FRS2: variants seen among roughly 807,000 people sequenced by gnomAD.
FRS2 encodes FGFR signalling adaptor.
Under a neutral mutation model 43.9 loss-of-function variants are expected in FRS2, and 8 were observed. The ratio of observed to expected loss-of-function variants is 0.18; its 90% confidence interval spans 0.11 to 0.33. The LOEUF (loss-of-function observed/expected upper bound fraction) is 0.33. FRS2 is among the 10% of genes least tolerant of loss of function. FRS2 has a pLI of 1.00. For synonymous variants in FRS2, 219 were observed against 220.3 expected, an observed-to-expected ratio of 0.99 and a Z score of 0.05; for missense variants, 534 against 627.6, an observed-to-expected ratio of 0.85 and a Z score of 1.59.
At chr12:69,564,537 CT>C (rs1337188702) in intron 4 of FRS2, among the ~76,000 whole-genome samples, 1 of 152,178 alleles carries the variant, frequency 6.6e-6, no homozygotes, top group African/African-American at 2.4e-5. Flanking sequence ...TAATAGACCC[CT>C]GGCACCCTTT....
At chr12:69,475,311 A>G (rs538349641) in intron 1 of FRS2, among the ~76,000 whole-genome samples, 14 of 152,164 alleles carry the variant, frequency 9.2e-5, no homozygotes, top group Non-Finnish European at 1.3e-4. Flanking sequence ...CCACTATATC[A>G]CAGGCACTTG....
chr12:69,504,257 C>A lies in FRS2; in HGVS notation c.-260-26608C>A, dbSNP rs1427012174. ...GCAGGCACCTGTAATCCCAGCTATTCGGGAAGCTGAGGCAGGTGAATTGCT... is the reference window on the plus strand; with the variant it reads ...GCAGGCACCTGTAATCCCAGCTATTAGGGAAGCTGAGGCAGGTGAATTGCT... On this transcript the variant is annotated intron_variant, in intron 1 of 8. Transcript: ENST00000549921. Among the ~76,000 whole-genome samples, 3 of 152,016 alleles carry A rather than the reference C, an allele frequency of 2.0e-5. No individual in the cohort carries two copies. In the South Asian group the frequency reaches 6.2e-4, roughly 31 times the overall value.
chr12:69,501,951 GT>G (rs965243679), intron 1 of FRS2, among the ~76,000 whole-genome samples: 3 of 127,944 alleles, frequency 2.3e-5, no homozygotes, highest in African/African-American at 3.6e-5. Flanking sequence ...ACACCTATCT[GT>G]TTTTTTTGTT....
At chr12:69,554,278 C>A (rs1247305683) in intron 3 of FRS2, among the ~76,000 whole-genome samples, 1 of 152,072 alleles carries the variant, frequency 6.6e-6, no homozygotes, top group Non-Finnish European at 1.5e-5. Context: ...AAGAAAAAAT[C>A]CTTTTCATTC....
chr12:69,483,798 A>G (rs1009464974), intron 1 of FRS2, among the ~76,000 whole-genome samples: 1 of 152,222 alleles, frequency 6.6e-6, no homozygotes, highest in Non-Finnish European at 1.5e-5. Context: ...GTTCCCAGGT[A>G]TGATTTTTGA....
intron 4 of FRS2, among the ~76,000 whole-genome samples, chr12:69,567,864 T>G (rs1419794478): frequency 6.6e-6 from 1 of 151,892 alleles, no homozygotes; most frequent in African/African-American, 2.4e-5. Flanking sequence ...AGACTGGATC[T>G]GTTAGACAGG....
intron 3 of FRS2, among the ~76,000 whole-genome samples, chr12:69,543,916 G>A (rs578262746): frequency 3.9e-5 from 6 of 152,216 alleles, no homozygotes; most frequent in African/African-American, 1.2e-4. Context: ...ATCTCATAGA[G>A]ACCATTGAAA....
At chr12:69,536,038 T>C in intron 3 of FRS2, among the ~76,000 whole-genome samples, 1 of 151,180 alleles carries the variant, frequency 6.6e-6, no homozygotes, top group Admixed American at 6.6e-5. Context: ...TTGTTGTTAT[T>C]GCTGTTTTCT....
intron 1 of FRS2, among the ~76,000 whole-genome samples, chr12:69,516,463 C>G (rs1156550022): frequency 2.0e-5 from 3 of 152,086 alleles, no homozygotes; most frequent in African/African-American, 7.2e-5. Context: ...GGTGATCCAC[C>G]CACCTCAGCC....
chr12:69,497,538 T>C (rs2121037269), intron 1 of FRS2, among the ~76,000 whole-genome samples: 1 of 152,332 alleles, frequency 6.6e-6, no homozygotes, highest in East Asian at 1.9e-4. Flanking sequence ...CCATCTTGAC[T>C]TCCTCACTTC....
chr12:69,512,188 T>C (rs1413816046), intron 1 of FRS2, among the ~76,000 whole-genome samples: 2 of 152,228 alleles, frequency 1.3e-5, no homozygotes, highest in African/African-American at 4.8e-5. Context: ...ATGTACTTTT[T>C]GATCTTGCAC....
chr12:69,522,310 T>G (rs891252915), intron 1 of FRS2, among the ~76,000 whole-genome samples: 1 of 151,634 alleles, frequency 6.6e-6, no homozygotes, highest in Admixed American at 6.6e-5. Context: ...TCCTCCTCAG[T>G]TTTTTTGGAA....
intron 1 of FRS2, among the ~76,000 whole-genome samples, chr12:69,492,661 A>G (rs745827882): frequency 6.6e-5 from 10 of 152,290 alleles, no homozygotes; most frequent in East Asian, 3.9e-4. Context: ...GCTTGGCTCC[A>G]TATGGATTTT....
chr12:69,552,060 C>T (rs1035807965), intron 3 of FRS2, among the ~76,000 whole-genome samples: 10 of 151,834 alleles, frequency 6.6e-5, no homozygotes, highest in Non-Finnish European at 1.2e-4. Flanking sequence ...AATCCCAGCA[C>T]TTTAGGAGGC....
chr12:69,570,954 C>A (rs935500727), intron 6 of FRS2, among the ~76,000 whole-genome samples: 1 of 152,182 alleles, frequency 6.6e-6, no homozygotes, highest in Non-Finnish European at 1.5e-5. Flanking sequence ...GGGCCTGTTA[C>A]ATGGCAAATG....
In FRS2 at chr12:69,528,604, C is replaced by T. The variant is rs553138194; in HGVS notation, c.-260-2261C>T. The stretch of plus-strand genomic sequence containing the variant: ...TTCATTATTTCTTTGAAGTCGGGAA[C>T]TTAAGAATCTTTTAAAAGGAACAGT... On this transcript the variant is annotated intron_variant, in intron 1 of 8. Transcript: ENST00000549921. Among the ~76,000 whole-genome samples the T allele has an allele frequency of 3.9e-5, 6 of 152,254 alleles. No individual in the cohort carries two copies. In the East Asian group the frequency reaches 9.6e-4, roughly 24 times the overall value.
chr12:69,507,690 A>G (rs1203265581), intron 1 of FRS2, among the ~76,000 whole-genome samples: 1 of 152,122 alleles, frequency 6.6e-6, no homozygotes, highest in Non-Finnish European at 1.5e-5. Flanking sequence ...TGTTAATTCG[A>G]TTATATTTAG....
At chr12:69,572,718 T>G (rs1880866977) in intron 8 of FRS2, among the ~76,000 whole-genome samples, 1 of 152,246 alleles carries the variant, frequency 6.6e-6, no homozygotes, top group African/African-American at 2.4e-5. Context: ...AAGTATCTGG[T>G]TGGAACCTCT....
chr12:69,513,264 ACT>A (rs1398517341), intron 1 of FRS2, among the ~76,000 whole-genome samples: 5 of 150,864 alleles, frequency 3.3e-5, no homozygotes, highest in South Asian at 4.2e-4. Context: ...GCTTTTTTAA[ACT>A]CTCTTTTTTT....
Sources: gnomAD v4.1 joint callset for allele counts (sites outside exome capture counted in the v4.1 genomes callset) on GRCh38, gnomAD v4.1.1 for gene constraint, MANE v1.5 for transcripts, NCBI Gene and HGNC (gene_info 2026-07-23, HGNC 2026-07-21) for gene names.